KDM4C: variants seen among roughly 807,000 people sequenced by gnomAD.
KDM4C encodes the protein lysine demethylase 4C.
A neutral mutation model predicts 129.3 loss-of-function variants in KDM4C; 81 were observed. That is an observed-to-expected ratio of 0.63 (90% CI 0.52 to 0.75). KDM4C has a LOEUF of 0.75. Ranked by LOEUF, KDM4C falls within the 30% of genes least tolerant of loss-of-function variation. The pLI is 0.00. For synonymous variants in KDM4C, 573 were observed against 456.1 expected, an observed-to-expected ratio of 1.26 and a Z score of -3.26; for missense variants, 1,457 against 1,304.0, an observed-to-expected ratio of 1.12 and a Z score of -1.81.
intron 1 of KDM4C, among the ~76,000 whole-genome samples, chr9:6,723,352 G>A (rs761166010): frequency 2.0e-5 from 3 of 151,252 alleles, no homozygotes; most frequent in Non-Finnish European, 3.0e-5. Flanking sequence ...TCCAGCCTGC[G>A]TGACAAGAGC....
chr9:6,945,712 T>A (rs1826839823), intron 8 of KDM4C, among the ~76,000 whole-genome samples: 1 of 152,204 alleles, frequency 6.6e-6, no homozygotes, highest in Non-Finnish European at 1.5e-5. Flanking sequence ...TAGACAATAG[T>A]AACTGATTGA....
intron 1 of KDM4C, among the ~76,000 whole-genome samples, chr9:6,726,093 AT>A (rs1413850719): frequency 6.6e-6 from 1 of 151,626 alleles, no homozygotes; most frequent in African/African-American, 2.4e-5. Flanking sequence ...CACCTAGCTA[AT>A]TTTTTTATAT....
intron 7 of KDM4C, among the ~76,000 whole-genome samples, chr9:6,890,124 T>C (rs1227459738): frequency 6.6e-6 from 1 of 152,224 alleles, no homozygotes; most frequent in African/African-American, 2.4e-5. Context: ...GTCATGACAC[T>C]GTATTCCTCA....
intron 17 of KDM4C, among the ~76,000 whole-genome samples, chr9:7,066,626 T>G (rs2132750080): frequency 6.6e-6 from 1 of 152,340 alleles, no homozygotes; most frequent in East Asian, 1.9e-4. Flanking sequence ...TTTGTTAACA[T>G]AAAATTTTAA....
chr9:7,122,259 A>ACTCTCTCTCT (rs1252407890), intron 18 of KDM4C, among the ~76,000 whole-genome samples: 60 of 100,546 alleles, frequency 6.0e-4, no homozygotes, highest in African/African-American at 1.5e-3. Flanking sequence ...ACACACACAC[A>ACTCTCTCTCT]CACACACTCT....
intron 18 of KDM4C, among the ~76,000 whole-genome samples, chr9:7,106,205 C>T (rs1837667792): frequency 6.6e-6 from 1 of 152,174 alleles, no homozygotes; most frequent in African/African-American, 2.4e-5. Context: ...TGGTTAAGAA[C>T]ATTGTGATTT....
chr9:7,142,802 C>A (rs1400150694), intron 19 of KDM4C, among the ~76,000 whole-genome samples: 1 of 152,202 alleles, frequency 6.6e-6, no homozygotes, highest in Non-Finnish European at 1.5e-5. Flanking sequence ...AAATCACCGT[C>A]TCACCTGCTT....
At chr9:6,746,054 C>T (rs1817860960) in intron 1 of KDM4C, among the ~76,000 whole-genome samples, 1 of 152,006 alleles carries the variant, frequency 6.6e-6, no homozygotes, top group South Asian at 2.1e-4. Context: ...GATCCGCCTG[C>T]CTCAGCCTCC....
intron 5 of KDM4C, among the ~76,000 whole-genome samples, chr9:6,857,648 A>G (rs914522652): frequency 1.3e-5 from 2 of 152,164 alleles, no homozygotes; most frequent in South Asian, 2.1e-4. Context: ...ATTGTTACCG[A>G]TCAAGTTTAA....
intron 8 of KDM4C, among the ~76,000 whole-genome samples, chr9:6,926,798 C>T (rs923377938): frequency 2.0e-5 from 3 of 152,174 alleles, no homozygotes; most frequent in Non-Finnish European, 4.4e-5. Context: ...ATCTGTGAGG[C>T]TCCATATTAT....
At chr9:6,826,859 T>TC (rs1202863540) in intron 4 of KDM4C, among the ~76,000 whole-genome samples, 2 of 147,054 alleles carry the variant, frequency 1.4e-5, no homozygotes, top group African/African-American at 5.2e-5. Flanking sequence ...AGAGTGAAAC[T>TC]CCATCTCAAA....
intron 12 of KDM4C, among the ~76,000 whole-genome samples, chr9:7,007,489 G>A (rs1422251898): frequency 1.3e-5 from 2 of 152,162 alleles, no homozygotes; most frequent in African/African-American, 4.8e-5. Context: ...GTTGACTCTT[G>A]TTTTCTTTTT....
chr9:6,775,682 C>G lies in KDM4C; in HGVS notation c.-17-17290C>G, dbSNP rs141839868. 6.7e-3 allele frequency among the ~76,000 whole-genome samples: 1,018 copies of G among 152,046 alleles called. 13 individuals carry two copies. Among genetic ancestry groups the G allele is most frequent in the African/African-American group, 0.023 (955 of 41,472 alleles). ...GGATTACAGACATTGGCCACCACGC[C>G]TGGCTAATTTTGCATTTTTAGTAGA... On this transcript the variant is annotated intron_variant, in intron 1 of 21. Coordinates refer to ENST00000381309, the MANE Select transcript of KDM4C (RefSeq NM_015061.6).
intron 19 of KDM4C, among the ~76,000 whole-genome samples, chr9:7,155,626 C>T (rs140463157): frequency 3.2e-4 from 48 of 152,154 alleles, no homozygotes; most frequent in African/African-American, 9.9e-4. Flanking sequence ...TCTGTCCTTG[C>T]GATAGTTTGC....
At chr9:6,863,537 C>T (rs1386544240) in intron 5 of KDM4C, among the ~76,000 whole-genome samples, 1 of 151,998 alleles carries the variant, frequency 6.6e-6, no homozygotes, top group Non-Finnish European at 1.5e-5. Context: ...TGGCTCACGG[C>T]TGTAATCCCA....
At chr9:7,101,083 GGATT>G (rs1280370910) in intron 17 of KDM4C, among the ~76,000 whole-genome samples, 7 of 151,984 alleles carry the variant, frequency 4.6e-5, no homozygotes, top group African/African-American at 1.7e-4. Flanking sequence ...ATGGTAGCAG[GGATT>G]GATCTTGATC....
At chr9:7,015,333 C>T (rs1823465823) in intron 14 of KDM4C, among the ~76,000 whole-genome samples, 1 of 152,060 alleles carries the variant, frequency 6.6e-6, no homozygotes, top group Non-Finnish European at 1.5e-5. Flanking sequence ...TGTATATTTG[C>T]ATCATCAGCC....
At chr9:7,056,096 A>G (rs1244850531) in intron 17 of KDM4C, among the ~76,000 whole-genome samples, 8 of 152,216 alleles carry the variant, frequency 5.3e-5, no homozygotes, top group Non-Finnish European at 8.8e-5. Context: ...AACATTGACA[A>G]TGATGAGAAA....
At chr9:7,084,271 A>G (rs1834868694) in intron 17 of KDM4C, among the ~76,000 whole-genome samples, 2 of 152,148 alleles carry the variant, frequency 1.3e-5, no homozygotes, top group African/African-American at 4.8e-5. Flanking sequence ...AGAATGGCAT[A>G]GTTCATATAG....
Sources: allele counts gnomAD v4.1 joint callset (sites outside exome capture counted in the v4.1 genomes callset), GRCh38; gene constraint gnomAD v4.1.1; transcripts MANE v1.5; gene names NCBI Gene and HGNC (gene_info 2026-07-23, HGNC 2026-07-21).